SORT1: variants seen among roughly 807,000 people sequenced by gnomAD.
SORT1 encodes sortilin.
SORT1 carries 39 observed loss-of-function variants against 101.7 expected under a neutral mutation model. That is an observed-to-expected ratio of 0.38 (90% CI 0.30 to 0.50). The LOEUF is 0.50. Among genes scored for constraint, SORT1 ranks in the 20% least tolerant of loss-of-function variants. SORT1 has a pLI of 0.90. For missense variants in SORT1, 878 were observed against 1,040.4 expected (o/e 0.84, Z 2.15); for synonymous variants, 396 against 393.7 (o/e 1.01, Z -0.07).
chr1:109,313,901 G>A lies in SORT1; in HGVS notation c.*142C>T. The A allele has an allele frequency of 1.5e-6, 1 of 669,318 alleles. No individual in the cohort carries two copies. The highest frequency in any genetic ancestry group is 2.9e-5 in the Admixed American group (1 of 34,214). 41.5% of individuals were successfully genotyped at this position (669,318 alleles called of 1,614,324 possible). A position where few individuals can be genotyped will look rare whatever the true frequency, so the allele number is the denominator to read the frequency against. On this transcript the variant is annotated 3_prime_UTR_variant, in exon 20 of 20. Transcript: ENST00000256637. Reference sequence around the variant, plus strand: ...CCCACCCTGCATTTCTTTAGTGTAGGTCCTTTTGGCTTTGATGGAAGCAGC... The same window carrying A: ...CCCACCCTGCATTTCTTTAGTGTAGATCCTTTTGGCTTTGATGGAAGCAGC...
intron 1 of SORT1, among the ~76,000 whole-genome samples, chr1:109,392,289 C>T (rs1652960938): frequency 1.3e-5 from 2 of 152,096 alleles, no homozygotes; most frequent in South Asian, 4.2e-4. Flanking sequence ...AGTTGGGGAA[C>T]GCAGACTCTG....
intron 11 of SORT1, among the ~76,000 whole-genome samples, chr1:109,335,587 A>G (rs1410075628): frequency 7.0e-6 from 1 of 142,366 alleles, no homozygotes; most frequent in Non-Finnish European, 1.6e-5. Flanking sequence ...CCGGTACTTC[A>G]GTTTCTGAAG....
chr1:109,351,425 T>G (rs1196568035), intron 5 of SORT1, among the ~76,000 whole-genome samples: 4 of 152,050 alleles, frequency 2.6e-5, no homozygotes, highest in Non-Finnish European at 5.9e-5. Context: ...AGAAGACAGG[T>G]GCACTGAGTT....
intron 3 of SORT1, among the ~76,000 whole-genome samples, chr1:109,366,215 C>A (rs1195780393): frequency 6.6e-6 from 1 of 152,188 alleles, no homozygotes; most frequent in Non-Finnish European, 1.5e-5. Flanking sequence ...TCTAAAACTT[C>A]ACCAATGTCA....
rs778864095 is a variant in SORT1 at position 109,327,095 on chromosome 1, A to G, written c.1540T>C (p.Ser514Pro). Reference protein sequence around the residue: ...DVYISDDGGYSWTKMLEGPHY... With the variant: ...DVYISDDGGYPWTKMLEGPHY... ...GGTCCTTCCAGCATCTTTGTCCAGG[A>G]GTAACCCCCATCATCTGAGATGTAC... The change falls in exon 13 of 20, where the codon TCC (serine) becomes CCC (proline). Residue 514 changes from serine (S) to proline (P), a missense_variant. Ser to Pro is a moderately conservative substitution (Grantham distance 74, BLOSUM62 -1). Coordinates refer to ENST00000256637, the MANE Select transcript of SORT1 (RefSeq NM_002959.7). 6.2e-7 allele frequency: 1 copy of G among 1,613,616 alleles called. No individual in the cohort carries two copies. The highest frequency in any genetic ancestry group is 8.5e-7 in the Non-Finnish European group (1 of 1,179,904).
intron 11 of SORT1, among the ~76,000 whole-genome samples, chr1:109,334,855 T>C (rs758674792): frequency 1.4e-4 from 22 of 152,188 alleles, no homozygotes; most frequent in Non-Finnish European, 2.5e-4. Context: ...CAGAAACTAG[T>C]TGAGGTATAC....
chr1:109,361,789 G>C (rs555625667), intron 3 of SORT1, among the ~76,000 whole-genome samples: 1 of 152,130 alleles, frequency 6.6e-6, no homozygotes, highest in Admixed American at 6.5e-5. Context: ...AGTACTCATG[G>C]TCCCTTGCCA....
At chr1:109,356,840 T>C (rs1226465947) in intron 3 of SORT1, among the ~76,000 whole-genome samples, 11 of 152,258 alleles carry the variant, frequency 7.2e-5, no homozygotes, top group Admixed American at 4.6e-4. Context: ...TGTCTAACCC[T>C]GACAGGTTTA....
In SORT1 at chr1:109,314,664, T is replaced by A; in HGVS notation, c.2357+8A>T. 1 of 1,550,714 alleles carries A rather than the reference T, an allele frequency of 6.4e-7. No individual in the cohort carries two copies. The highest frequency in any genetic ancestry group is 8.9e-7 in the Non-Finnish European group (1 of 1,122,240). ...TCAGTACCTTGGATTGACTTCTGTGTTCCTTACCTTCCCCCACAGACATAT... is the reference window on the plus strand; with the variant it reads ...TCAGTACCTTGGATTGACTTCTGTGATCCTTACCTTCCCCCACAGACATAT... On this transcript the variant is annotated splice_region_variant and intron_variant, in intron 18 of 19. Transcript: ENST00000256637.
intron 15 of SORT1, among the ~76,000 whole-genome samples, chr1:109,319,057 C>T (rs1304488833): frequency 6.6e-6 from 1 of 152,216 alleles, no homozygotes; most frequent in Non-Finnish European, 1.5e-5. Flanking sequence ...GGATTACAGG[C>T]ATGAGTCACT....
chr1:109,313,868 T>TG lies in SORT1; in HGVS notation c.*174_*175insC. On this transcript the variant is annotated 3_prime_UTR_variant, in exon 20 of 20. Coordinates refer to ENST00000256637, the MANE Select transcript of SORT1 (RefSeq NM_002959.7). ...CCAATTGTAAAAAAGTGCTCAGGGT[T>TG]CCCCACCCCCACCCTGCATTTCTTT... 3.5e-6 allele frequency: 2 copies of TG among 578,250 alleles called. No homozygotes were observed. The highest frequency in any genetic ancestry group is 6.1e-6 in the Non-Finnish European group (2 of 327,522). 35.8% of individuals were successfully genotyped at this position (578,250 alleles called of 1,614,324 possible). A position where few individuals can be genotyped will look rare whatever the true frequency, so the allele number is the denominator to read the frequency against.
intron 19 of SORT1, 36 bp downstream of exon 19, chr1:109,314,225 G>A (rs774409507): frequency 2.7e-6 from 4 of 1,486,224 alleles, no homozygotes; most frequent in Non-Finnish European, 2.8e-6. Context: ...TTTTTTGGGG[G>A]GGGGGGTACT....
chr1:109,317,779 T>A (rs1038493888), intron 16 of SORT1, 74 bp downstream of exon 16: 1 of 999,704 alleles, frequency 1.0e-6, no homozygotes, highest in Non-Finnish European at 1.6e-6. Flanking sequence ...TGGATCTCAG[T>A]GTGGAGAGAA....
intron 11 of SORT1, among the ~76,000 whole-genome samples, chr1:109,328,995 A>T (rs550118023): frequency 2.0e-5 from 3 of 152,084 alleles, no homozygotes; most frequent in Non-Finnish European, 2.9e-5. Context: ...GGTCCACCCT[A>T]GTGGATTCCA....
chr1:109,356,925 G>A (rs950951068), intron 3 of SORT1, among the ~76,000 whole-genome samples: 4 of 152,208 alleles, frequency 2.6e-5, no homozygotes, highest in Admixed American at 6.5e-5. Context: ...ATCCATCAAT[G>A]AAGACTGCTG....
At chr1:109,389,075 G>A (rs1352625156) in intron 1 of SORT1, among the ~76,000 whole-genome samples, 2 of 152,200 alleles carry the variant, frequency 1.3e-5, no homozygotes, top group Non-Finnish European at 2.9e-5. Context: ...TCATCCGTCT[G>A]CTTTAATACA....
intron 3 of SORT1, among the ~76,000 whole-genome samples, chr1:109,356,114 C>T (rs929708692): frequency 1.3e-5 from 2 of 152,140 alleles, no homozygotes; most frequent in African/African-American, 2.4e-5. Flanking sequence ...CAAAGTGATC[C>T]GCCCGCCTCG....
intron 3 of SORT1, among the ~76,000 whole-genome samples, chr1:109,365,191 G>A (rs1489818409): frequency 1.3e-5 from 2 of 152,114 alleles, no homozygotes; most frequent in African/African-American, 2.4e-5. Context: ...CTTTTATAAT[G>A]AAACACAGGT....
At chr1:109,317,150 A>C (rs1647273897) in intron 16 of SORT1, among the ~76,000 whole-genome samples, 192 bp from the exon 17 acceptor site, 1 of 152,122 alleles carries the variant, frequency 6.6e-6, no homozygotes, top group Non-Finnish European at 1.5e-5. Flanking sequence ...AAGCAAACTA[A>C]GCATCTCTGT....
Sources: gnomAD v4.1 joint callset for allele counts (sites outside exome capture counted in the v4.1 genomes callset) on GRCh38, gnomAD v4.1.1 for gene constraint, MANE v1.5 for transcripts, NCBI Gene and HGNC (gene_info 2026-07-23, HGNC 2026-07-21) for gene names.